The following PCDHA9 variants were observed in gnomAD, a reference collection of about 807,000 sequenced individuals.
The protein encoded by PCDHA9 is protocadherin alpha 9, also known as protocadherin alpha-9.
PCDHA9 carries 62 observed loss-of-function variants against 62.0 expected under a neutral mutation model. The observed-to-expected ratio is 1.00, with a 90% CI of 0.81 to 1.23. The LOEUF (loss-of-function observed/expected upper bound fraction) is 1.23, where lower values mean the gene tolerates loss of function less well. Ranked by LOEUF, PCDHA9 falls within the 50% of genes most tolerant of loss-of-function variation. PCDHA9 has a pLI of 0.00. For synonymous variants in PCDHA9, 557 were observed against 567.6 expected, an observed-to-expected ratio of 0.98 and a Z score of 0.27; for missense variants, 1,205 against 1,249.8, an observed-to-expected ratio of 0.96 and a Z score of 0.54.
At chr5:140,970,567 T>G (rs558796957) in intron 1 of PCDHA9, among the ~76,000 whole-genome samples, 7 of 152,284 alleles carry the variant, frequency 4.6e-5, no homozygotes, top group African/African-American at 1.7e-4. Context: ...TCCATATGTA[T>G]GCTTGAAATA....
Position 140,883,762 on chromosome 5 carries a change from G to A in PCDHA9, c.2394+32873G>A, listed in dbSNP as rs782515575. 5 of 1,612,794 alleles carry A rather than the reference G, an allele frequency of 3.1e-6. No homozygotes were observed. The South Asian group carries it at 5.5e-5, about 18-fold the overall frequency. On this transcript the variant is annotated intron_variant, in intron 1 of 3. Coordinates refer to ENST00000532602, the MANE Select transcript of PCDHA9 (RefSeq NM_031857.2). ...TCTCCTACTCGCTGGTGGAGCGGCG[G>A]GTGGGCGAGCGTGCGCTGTCGAGCT... is the stretch of plus-strand genomic sequence containing the variant.
intron 1 of PCDHA9, among the ~76,000 whole-genome samples, chr5:140,977,783 T>TATATGA (rs1488853966): frequency 1.3e-5 from 2 of 152,252 alleles, no homozygotes; most frequent in African/African-American, 4.8e-5. Context: ...TTAAAGGAAC[T>TATATGA]ATATGAATGA....
chr5:141,000,651 C>G (rs1325110453), intron 3 of PCDHA9, among the ~76,000 whole-genome samples: 2 of 151,708 alleles, frequency 1.3e-5, no homozygotes, highest in African/African-American at 4.8e-5. Flanking sequence ...TGGTCTCGAA[C>G]TCCTGACCTC....
At chr5:140,918,428 T>C (rs2078691655) in intron 1 of PCDHA9, among the ~76,000 whole-genome samples, 1 of 152,194 alleles carries the variant, frequency 6.6e-6, no homozygotes, top group African/African-American at 2.4e-5. Context: ...AGTAGGATGT[T>C]GAATAGGAGT....
At chr5:140,917,211 C>T (rs938458701) in intron 1 of PCDHA9, among the ~76,000 whole-genome samples, 3 of 151,636 alleles carry the variant, frequency 2.0e-5, no homozygotes, top group Non-Finnish European at 2.9e-5. Context: ...TTCAATGCCT[C>T]TTTTAGTGAT....
chr5:140,895,838 TCTCA>T (rs1554186667), intron 1 of PCDHA9, among the ~76,000 whole-genome samples: 2 of 152,136 alleles, frequency 1.3e-5, no homozygotes, highest in Admixed American at 1.3e-4. Context: ...TCAGACAAAG[TCTCA>T]CTCTTGTACC....
chr5:140,967,228 G>A (rs1316363900), intron 1 of PCDHA9: 3 of 1,613,652 alleles, frequency 1.9e-6, no homozygotes, highest in Non-Finnish European at 2.5e-6. Flanking sequence ...CCAACTACCA[G>A]CTTCAGGTAA....
At chr5:140,864,409 G>C (rs1354025134) in intron 1 of PCDHA9, 3 of 152,230 alleles carry the variant, frequency 2.0e-5, no homozygotes, top group Non-Finnish European at 4.4e-5. Context: ...GAGCAGGGTT[G>C]AGGCAGCTTC....
chr5:140,967,425 C>G, intron 1 of PCDHA9: 2 of 1,613,296 alleles, frequency 1.2e-6, no homozygotes, highest in Non-Finnish European at 1.7e-6. Context: ...CGGGAGCAGG[C>G]AGCCTTGCAC....
At chr5:140,854,069 A>G (rs1432539790) in intron 1 of PCDHA9, 1 of 273,288 alleles carries the variant, frequency 3.7e-6, no homozygotes, top group Non-Finnish European at 5.6e-6. Context: ...GGCTGAGGCG[A>G]GAGAATCGCT....
chr5:140,856,559 C>T (rs782226001), intron 1 of PCDHA9: 3 of 1,598,104 alleles, frequency 1.9e-6, no homozygotes, highest in Non-Finnish European at 2.6e-6. Context: ...TACTTACAAA[C>T]TCAGTCCAAA....
chr5:140,996,587 C>T (rs1260417239), intron 3 of PCDHA9, among the ~76,000 whole-genome samples: 4 of 151,994 alleles, frequency 2.6e-5, no homozygotes, highest in South Asian at 2.1e-4. Context: ...TAACAAGGGC[C>T]GCCTCCCCCC....
At chr5:140,953,058 C>T (rs1186621578) in intron 1 of PCDHA9, among the ~76,000 whole-genome samples, 1 of 152,202 alleles carries the variant, frequency 6.6e-6, no homozygotes, top group African/African-American at 2.4e-5. Flanking sequence ...TCACCTCTCA[C>T]AGGCCCCATC....
intron 1 of PCDHA9, among the ~76,000 whole-genome samples, chr5:140,906,435 C>T (rs2072652869): frequency 6.6e-6 from 1 of 152,120 alleles, no homozygotes; most frequent in Non-Finnish European, 1.5e-5. Flanking sequence ...ACATGATAAA[C>T]AAGAAAGGAA....
rs782673373 is a variant in PCDHA9 at position 140,858,110 on chromosome 5, G to A, written c.2394+7221G>A. On this transcript the variant is annotated intron_variant, in intron 1 of 3. Transcript: ENST00000532602. ...GCGGGCTTCAGTGGGCGTGGCGCCC[G>A]AGGTGGCCCTGGTGGATGTCAACGT... 5.6e-6 allele frequency: 9 copies of A among 1,597,760 alleles called. 1 individual carries two copies. The highest frequency in any genetic ancestry group is 3.4e-5 in the Admixed American group (2 of 59,350).
At chr5:140,869,908 C>T (rs189065461) in intron 1 of PCDHA9, 51 of 1,610,528 alleles carry the variant, frequency 3.2e-5, no homozygotes, top group African/African-American at 2.4e-4. Flanking sequence ...CGCCACAGAC[C>T]GAGACGAAGG....
chr5:140,872,909 G>A (rs1214412416), intron 1 of PCDHA9, among the ~76,000 whole-genome samples: 7 of 152,076 alleles, frequency 4.6e-5, no homozygotes, highest in African/African-American at 1.7e-4. Flanking sequence ...GCTCTATCTT[G>A]TAATGCCTTA....
intron 1 of PCDHA9, among the ~76,000 whole-genome samples, chr5:140,971,186 G>T (rs1052745272): frequency 1.8e-4 from 28 of 152,258 alleles, no homozygotes; most frequent in African/African-American, 6.7e-4. Context: ...TAAGCCGGAA[G>T]CTCAGAGGAA....
At chr5:140,944,028 A>T (rs1341498532) in intron 1 of PCDHA9, among the ~76,000 whole-genome samples, 1 of 152,222 alleles carries the variant, frequency 6.6e-6, no homozygotes, top group African/African-American at 2.4e-5. Context: ...TATCTTCAAA[A>T]TATGGAAAAC....
Sources: allele counts gnomAD v4.1 joint callset (sites outside exome capture counted in the v4.1 genomes callset), GRCh38; gene constraint gnomAD v4.1.1; transcripts MANE v1.5; gene names NCBI Gene and HGNC (gene_info 2026-07-23, HGNC 2026-07-21).